The following ESRRG variants were observed in gnomAD, a reference collection of about 807,000 sequenced individuals.
ESRRG encodes the protein estrogen related receptor gamma, also known as estrogen-related receptor gamma.
ESRRG carries 13 observed loss-of-function variants against 44.0 expected under a neutral mutation model. That is an observed-to-expected ratio of 0.30 (90% confidence interval 0.19 to 0.47). The LOEUF is 0.47. Among genes scored for constraint, ESRRG ranks in the 20% least tolerant of loss-of-function variants. The pLI, the probability that ESRRG is intolerant of heterozygous loss-of-function variation, is 1.00. For missense variants in ESRRG, 395 were observed against 580.6 expected, an observed-to-expected ratio of 0.68 and a Z score of 3.29; for synonymous variants, 215 against 214.6, an observed-to-expected ratio of 1.00 and a Z score of -0.02.
intron 2 of ESRRG, among the ~76,000 whole-genome samples, chr1:216,833,641 C>T (rs1209609171): frequency 6.6e-6 from 1 of 152,114 alleles, no homozygotes; most frequent in Non-Finnish European, 1.5e-5. Context: ...CCGCTTAAGG[C>T]TAAATTTAGG....
Position 216,940,613 on chromosome 1 carries a change from G to A in ESRRG, c.-105-940C>T, listed in dbSNP as rs80149104. 3.1e-3 allele frequency among the ~76,000 whole-genome samples: 479 copies of A among 152,224 alleles called. 7 individuals carry two copies. The East Asian group carries it at 0.05, about 16-fold the overall frequency. On this transcript the variant is annotated intron_variant, in intron 1 of 7. Transcript: ENST00000359162. Reference sequence around the variant, plus strand: ...TACTCGGGTGGCACCAGGCCACTTTGCATCACATCCCTTGAGGCATGAATG... The same window carrying A: ...TACTCGGGTGGCACCAGGCCACTTTACATCACATCCCTTGAGGCATGAATG...
At chr1:216,632,124 T>C (rs1436418974) in intron 3 of ESRRG, among the ~76,000 whole-genome samples, 3 of 152,250 alleles carry the variant, frequency 2.0e-5, no homozygotes, top group Non-Finnish European at 4.4e-5. Context: ...TGTACTACTA[T>C]GTCATTTAAT....
intron 2 of ESRRG, among the ~76,000 whole-genome samples, chr1:216,821,328 C>T (rs1014961328): frequency 3.9e-5 from 6 of 151,962 alleles, no homozygotes; most frequent in Admixed American, 1.3e-4. Flanking sequence ...AAATATTTTA[C>T]CCATCCCACT....
intron 1 of ESRRG, among the ~76,000 whole-genome samples, chr1:217,002,049 C>A (rs1197331561): frequency 2.6e-5 from 4 of 151,698 alleles, no homozygotes; most frequent in African/African-American, 7.3e-5. Flanking sequence ...CACCTGTAAT[C>A]CCAGCACTTT....
chr1:216,518,585 T>C (rs1285145844), intron 6 of ESRRG, among the ~76,000 whole-genome samples: 2 of 152,206 alleles, frequency 1.3e-5, no homozygotes, highest in African/African-American at 2.4e-5. Flanking sequence ...TTTTTACTTA[T>C]TAGAGGTTGC....
intron 2 of ESRRG, among the ~76,000 whole-genome samples, chr1:216,885,025 G>A (rs1158186570): frequency 6.6e-6 from 1 of 152,034 alleles, no homozygotes; most frequent in Non-Finnish European, 1.5e-5. Flanking sequence ...AGCTTGTACT[G>A]GGTCCCTGAA....
At chr1:216,912,183 A>AAGAAAAGAAAAGGAG (rs1560083326) in intron 2 of ESRRG, among the ~76,000 whole-genome samples, 8 of 21,154 alleles carry the variant, frequency 3.8e-4, no homozygotes, top group Admixed American at 6.2e-4. Context: ...AAGAAAAGAA[A>AAGAAAAGAAAAGGAG]AGGAGAGGAG....
chr1:216,866,401 T>A (rs1177054654), intron 2 of ESRRG, among the ~76,000 whole-genome samples: 1 of 152,148 alleles, frequency 6.6e-6, no homozygotes, highest in African/African-American at 2.4e-5. Flanking sequence ...TTATCAATAT[T>A]GAAATATATA....
intron 1 of ESRRG, among the ~76,000 whole-genome samples, chr1:216,969,427 A>T (rs1023353631): frequency 1.6e-4 from 24 of 152,282 alleles, no homozygotes; most frequent in African/African-American, 5.8e-4. Flanking sequence ...ACATAGAAAA[A>T]AACATAAAAA....
At chr1:216,750,867 G>T (rs374069274) in intron 2 of ESRRG, among the ~76,000 whole-genome samples, 1 of 151,988 alleles carries the variant, frequency 6.6e-6, no homozygotes, top group Non-Finnish European at 1.5e-5. Flanking sequence ...AGAAGAAAAG[G>T]CTTCATAAGA....
At chr1:217,092,985 G>GC, upstream of ESRRG, among the ~76,000 whole-genome samples, 1 of 146,824 alleles carries the variant, frequency 6.8e-6, no homozygotes, top group East Asian at 2.0e-4. Context: ...ACTTCATATG[G>GC]GGAGTGAGGT....
intron 1 of ESRRG, among the ~76,000 whole-genome samples, chr1:216,964,853 G>A (rs1167073239): frequency 6.6e-6 from 1 of 152,046 alleles, no homozygotes; most frequent in African/African-American, 2.4e-5. Flanking sequence ...CCTAAATTAA[G>A]CCATAGAAAA....
At chr1:216,883,386 G>GAAAAAAA (rs11318094) in intron 2 of ESRRG, among the ~76,000 whole-genome samples, 1 of 75,842 alleles carries the variant, frequency 1.3e-5, no homozygotes, top group African/African-American at 4.3e-5. Context: ...ACTTCTCTGA[G>GAAAAAAA]AAAAAAAAAA....
At chr1:216,699,781 C>T (rs914896438) in intron 1 of ESRRG, among the ~76,000 whole-genome samples, 1 of 152,102 alleles carries the variant, frequency 6.6e-6, no homozygotes, top group African/African-American at 2.4e-5. Context: ...TTACCTCTTG[C>T]TGAAAAAGTC....
intron 2 of ESRRG, among the ~76,000 whole-genome samples, chr1:216,879,484 C>CAAAAAAAAAAAAAAAAAA (rs755104959): frequency 4.5e-5 from 4 of 89,410 alleles, no homozygotes; most frequent in African/African-American, 7.8e-5. Flanking sequence ...AAAAGGCCAC[C>CAAAAAAAAAAAAAAAAAA]AAAAAAAAAA....
At chr1:217,045,814 T>A (rs1269525859) in intron 1 of ESRRG, among the ~76,000 whole-genome samples, 1 of 152,108 alleles carries the variant, frequency 6.6e-6, no homozygotes, top group Non-Finnish European at 1.5e-5. Flanking sequence ...CCTTGGGCGC[T>A]TTCCCTCAGA....
chr1:216,634,168 G>A (rs141494013), intron 3 of ESRRG, among the ~76,000 whole-genome samples: 5 of 152,264 alleles, frequency 3.3e-5, no homozygotes, highest in Middle Eastern at 3.4e-3. Context: ...AATGCTTCAG[G>A]TATCAGTGAC....
intron 1 of ESRRG, among the ~76,000 whole-genome samples, chr1:216,952,309 G>A (rs1478873342): frequency 2.6e-5 from 4 of 152,156 alleles, no homozygotes; most frequent in African/African-American, 9.7e-5. Context: ...AAGGCTTAGT[G>A]TAGAAGAGAT....
At chr1:217,108,954 A>C (rs1012738365) in intron 1 of ESRRG, among the ~76,000 whole-genome samples, 1 of 152,332 alleles carries the variant, frequency 6.6e-6, no homozygotes, top group Non-Finnish European at 1.5e-5. Flanking sequence ...GAGAGAAATA[A>C]AACAAAACTG....
Sources: gnomAD v4.1 joint callset for allele counts (sites outside exome capture counted in the v4.1 genomes callset) on GRCh38, gnomAD v4.1.1 for gene constraint, MANE v1.5 for transcripts, NCBI Gene and HGNC (gene_info 2026-07-23, HGNC 2026-07-21) for gene names.